Variants in BBS9 observed in about 807,000 individuals in gnomAD.
BBS9 encodes the protein protein PTHB1.
A neutral mutation model predicts 117.7 loss-of-function variants in BBS9; 89 were observed. The ratio of observed to expected loss-of-function variants is 0.76; its 90% CI spans 0.64 to 0.90. The LOEUF is 0.90. Ranked by LOEUF, BBS9 falls within the 40% of genes least tolerant of loss-of-function variation. BBS9 has a pLI of 0.00. For missense variants in BBS9, 982 were observed against 1,042.2 expected (o/e 0.94, Z 0.80); for synonymous variants, 379 against 370.9 (o/e 1.02, Z -0.25).
At chr7:33,194,372 G>A (rs1356132213) in intron 5 of BBS9, among the ~76,000 whole-genome samples, 3 of 152,106 alleles carry the variant, frequency 2.0e-5, no homozygotes, top group African/African-American at 7.2e-5. Flanking sequence ...GAAGATTCTT[G>A]GAAACATCTG....
chr7:33,385,338 T>C (rs2128751337), intron 18 of BBS9, among the ~76,000 whole-genome samples: 1 of 152,348 alleles, frequency 6.6e-6, no homozygotes, highest in South Asian at 2.1e-4. Context: ...TCCTTTGTTC[T>C]CTATCTCCTT....
At chr7:33,390,072 G>C (rs1191986247) in intron 19 of BBS9, among the ~76,000 whole-genome samples, 3 of 151,934 alleles carry the variant, frequency 2.0e-5, no homozygotes, top group Non-Finnish European at 4.4e-5. Context: ...TACTCTTTTT[G>C]TTTTGTTTTG....
chr7:33,426,084 C>G (rs913092816), intron 19 of BBS9, among the ~76,000 whole-genome samples: 1 of 152,078 alleles, frequency 6.6e-6, no homozygotes, highest in African/African-American at 2.4e-5. Flanking sequence ...AGAACGGAAA[C>G]ATTGCATGTA....
intron 9 of BBS9, among the ~76,000 whole-genome samples, chr7:33,321,535 A>G (rs1400838218): frequency 6.6e-6 from 1 of 151,854 alleles, no homozygotes; most frequent in African/African-American, 2.4e-5. Flanking sequence ...ATTGTTCACT[A>G]TTGGTATATA....
intron 20 of BBS9, among the ~76,000 whole-genome samples, chr7:33,515,901 T>C (rs1276674235): frequency 6.6e-6 from 1 of 152,230 alleles, no homozygotes; most frequent in Non-Finnish European, 1.5e-5. Flanking sequence ...AACTTTATAC[T>C]TCTAACTACA....
At chr7:33,351,348 C>A in intron 14 of BBS9, 25 bp downstream of exon 14, 1 of 1,490,292 alleles carries the variant, frequency 6.7e-7, no homozygotes, top group Non-Finnish European at 9.4e-7. Flanking sequence ...TTAATCATTA[C>A]TTTAAGTTGT....
intron 19 of BBS9, among the ~76,000 whole-genome samples, chr7:33,500,810 G>A (rs929142461): frequency 6.6e-6 from 1 of 152,166 alleles, no homozygotes; most frequent in South Asian, 2.1e-4. Context: ...TTGGCAGCTG[G>A]AAGTATTTGG....
At chr7:33,177,711 G>T in intron 5 of BBS9, 120 bp downstream of exon 5, 1 of 764,390 alleles carries the variant, frequency 1.3e-6, no homozygotes, top group East Asian at 2.7e-5. Flanking sequence ...ACATTTTATT[G>T]AAACCTTTGT....
At chr7:33,601,962 A>G (rs915655565) in intron 21 of BBS9, among the ~76,000 whole-genome samples, 1 of 152,176 alleles carries the variant, frequency 6.6e-6, no homozygotes, top group Non-Finnish European at 1.5e-5. Flanking sequence ...TCTAACTTCA[A>G]AATTCCATTG....
chr7:33,181,216 G>A (rs1444886153), intron 5 of BBS9, among the ~76,000 whole-genome samples: 1 of 152,136 alleles, frequency 6.6e-6, no homozygotes. Context: ...TGCAAGAAGG[G>A]TGCAAGGAGC....
intron 19 of BBS9, among the ~76,000 whole-genome samples, chr7:33,478,497 G>A (rs1046569905): frequency 1.3e-5 from 2 of 152,098 alleles, no homozygotes; most frequent in Non-Finnish European, 1.5e-5. Context: ...CTGATGTAAG[G>A]TGCAGTAGAG....
intron 21 of BBS9, among the ~76,000 whole-genome samples, chr7:33,537,697 C>T (rs551243394): frequency 1.3e-5 from 2 of 152,276 alleles, no homozygotes; most frequent in East Asian, 3.9e-4. Flanking sequence ...TGTTCCCAAC[C>T]TTCTCCCTGC....
At chr7:33,346,691 G>A (rs2128653611) in intron 12 of BBS9, among the ~76,000 whole-genome samples, 1 of 152,256 alleles carries the variant, frequency 6.6e-6, no homozygotes, top group East Asian at 1.9e-4. Context: ...CAATAAATAT[G>A]TGCATGAGAG....
intron 21 of BBS9, among the ~76,000 whole-genome samples, chr7:33,615,134 A>G (rs578137613): frequency 6.6e-6 from 1 of 152,020 alleles, no homozygotes; most frequent in East Asian, 1.9e-4. Flanking sequence ...CAACCTTACC[A>G]CCACATTACT....
chr7:33,175,337 T>C (rs1265521619), intron 4 of BBS9, among the ~76,000 whole-genome samples: 1 of 151,804 alleles, frequency 6.6e-6, no homozygotes, highest in Non-Finnish European at 1.5e-5. Context: ...ACAAAACTAA[T>C]GTTAATTAAC....
At chr7:33,456,995 G>T (rs1838742856) in intron 19 of BBS9, among the ~76,000 whole-genome samples, 1 of 152,178 alleles carries the variant, frequency 6.6e-6, no homozygotes, top group Non-Finnish European at 1.5e-5. Context: ...AGTAAGTGGG[G>T]GTGAGATTTG....
intron 18 of BBS9, 57 bp downstream of exon 18, chr7:33,383,895 A>G (rs1203510664): frequency 1.3e-6 from 2 of 1,544,664 alleles, no homozygotes; most frequent in African/African-American, 1.4e-5. Flanking sequence ...AAAGAGAAAT[A>G]GATGCTATAG....
intron 19 of BBS9, among the ~76,000 whole-genome samples, chr7:33,465,426 G>C (rs1840022492): frequency 6.6e-6 from 1 of 152,028 alleles, no homozygotes; most frequent in Non-Finnish European, 1.5e-5. Flanking sequence ...AAACATGAAT[G>C]TTATTTTGCC....
intron 19 of BBS9, among the ~76,000 whole-genome samples, chr7:33,446,750 G>A (rs1837058699): frequency 6.6e-6 from 1 of 152,210 alleles, no homozygotes; most frequent in Admixed American, 6.5e-5. Context: ...GGAGTGAGTA[G>A]TGAGCAATAT....
Sources: gnomAD v4.1 joint callset for allele counts (sites outside exome capture counted in the v4.1 genomes callset) on GRCh38, gnomAD v4.1.1 for gene constraint, MANE v1.5 for transcripts, NCBI Gene and HGNC (gene_info 2026-07-23, HGNC 2026-07-21) for gene names.